OAS1: variants seen among roughly 807,000 people sequenced by gnomAD.
OAS1 encodes 2'-5'-oligoadenylate synthetase 1.
A neutral mutation model predicts 38.5 loss-of-function variants in OAS1; 24 were observed. The observed-to-expected ratio is 0.62, with a 90% CI of 0.45 to 0.88. The LOEUF is 0.88. Ranked by LOEUF, OAS1 falls within the 40% of genes least tolerant of loss-of-function variation. The probability of loss-of-function intolerance (pLI) is 0.00; values close to 1 mark genes in which losing one functional copy is unlikely to be tolerated. For missense variants in OAS1, 482 were observed against 493.9 expected (o/e 0.98, Z 0.23); for synonymous variants, 169 against 193.9 (o/e 0.87, Z 1.07).
At chr12:112,918,815 C>G (rs1365705736) in intron 5 of OAS1, 15 of 309,492 alleles carry the variant, frequency 4.8e-5, no homozygotes, top group Non-Finnish European at 8.6e-5. Flanking sequence ...GGCAAAGGAC[C>G]CAGTCTTGGA....
At chr12:112,933,141 C>G (rs1031834900), downstream of OAS1, 1 of 152,224 alleles carries the variant, frequency 6.6e-6, no homozygotes, top group South Asian at 2.1e-4. Flanking sequence ...AACTGATCCC[C>G]CCTTGAACCT....
Position 112,919,854 on chromosome 12 carries a change from G to A in OAS1, c.*301G>A. The stretch of plus-strand genomic sequence containing the variant: ...ACTTTCTTCTGTGCACCTGATGGGA[G>A]GGTAATGTCTAATGTATTATCAATA... On this transcript the variant is annotated 3_prime_UTR_variant, in exon 6 of 6. Coordinates refer to ENST00000202917, the MANE Select transcript of OAS1 (RefSeq NM_016816.4). 1.1e-6 allele frequency: 1 copy of A among 892,996 alleles called. No individual in the cohort carries two copies. The highest frequency in any genetic ancestry group is 1.6e-6 in the Non-Finnish European group (1 of 606,876). 55.3% of individuals were successfully genotyped at this position (892,996 alleles called of 1,614,324 possible).
chr12:112,909,779 T>A (rs1325155517), intron 2 of OAS1, among the ~76,000 whole-genome samples: 4 of 152,212 alleles, frequency 2.6e-5, no homozygotes, highest in Non-Finnish European at 5.9e-5. Flanking sequence ...AGATTTTAAT[T>A]TTTTGAGGGA....
chr12:112,929,890 G>A (rs750945785), intron 6 of OAS1, among the ~76,000 whole-genome samples: 9 of 152,176 alleles, frequency 5.9e-5, no homozygotes, highest in African/African-American at 1.7e-4. Flanking sequence ...AGACAGGTAT[G>A]TCAGACTCTC....
In OAS1 at chr12:112,916,394, G is replaced by A. The variant is rs557413056; in HGVS notation, c.655-115G>A. The A allele has an allele frequency of 1.9e-5, 14 of 734,662 alleles. 1 individual carries two copies. In the South Asian group the frequency reaches 2.0e-4, roughly 10 times the overall value. 45.5% of individuals were successfully genotyped at this position (734,662 alleles called of 1,614,324 possible). A position where few individuals can be genotyped will look rare whatever the true frequency, so the allele number is the denominator to read the frequency against. ...TACATAAATGAATGAGCCTGGATTC[G>A]TTCCAAGGAAACTTTATAAAAACAG... On this transcript the variant is annotated intron_variant, in intron 3 of 5. Transcript: ENST00000202917.
intron 3 of OAS1, among the ~76,000 whole-genome samples, chr12:112,916,268 AT>A (rs905597307): frequency 6.6e-6 from 1 of 152,200 alleles, no homozygotes; most frequent in African/African-American, 2.4e-5. Flanking sequence ...TTTTTAAAAA[AT>A]AAAAGGCTAG....
chr12:112,916,437 G>A lies in OAS1; in HGVS notation c.655-72G>A, dbSNP rs953482134. 5.4e-6 allele frequency: 6 copies of A among 1,120,068 alleles called. No individual in the cohort carries two copies. The African/African-American group carries it at 7.8e-5, about 14-fold the overall frequency. The allele number at this position is 1,120,068 out of a possible 1,614,324, so 69.4% of individuals were successfully genotyped here. ...AAAAACAGGTGGCAGGCTGGATTTGGCCCATGAGAAGTGTAGTTTACACAA... is the reference window on the plus strand; with the variant it reads ...AAAAACAGGTGGCAGGCTGGATTTGACCCATGAGAAGTGTAGTTTACACAA... On this transcript the variant is annotated intron_variant, in intron 3 of 5. Coordinates refer to ENST00000202917, the MANE Select transcript of OAS1 (RefSeq NM_016816.4).
intron 3 of OAS1, 49 bp downstream of exon 3, chr12:112,911,284 G>A (rs746497950): frequency 6.9e-7 from 1 of 1,450,362 alleles, no homozygotes; most frequent in South Asian, 1.4e-5. Flanking sequence ...ACTGGGAGCA[G>A]AGGAGGGGTG....
At chr12:112,922,413 T>A (rs1436662837), downstream of OAS1, among the ~76,000 whole-genome samples, 1 of 152,190 alleles carries the variant, frequency 6.6e-6, no homozygotes. Flanking sequence ...ACTCATCCAC[T>A]AAGTCACTAA....
chr12:112,918,755 G>T (rs976934790), intron 5 of OAS1: 1 of 407,024 alleles, frequency 2.5e-6, no homozygotes, highest in African/African-American at 2.0e-5. Context: ...TCTGACCAAT[G>T]GGAGACTCTG....
intron 2 of OAS1, among the ~76,000 whole-genome samples, chr12:112,910,587 C>T (rs1215547545): frequency 6.6e-6 from 1 of 151,866 alleles, no homozygotes; most frequent in East Asian, 1.9e-4. Flanking sequence ...CCTGAAGCAG[C>T]AATGACCATG....
intron 2 of OAS1, among the ~76,000 whole-genome samples, chr12:112,909,522 G>A (rs2043346852): frequency 1.3e-5 from 2 of 152,158 alleles, no homozygotes; most frequent in African/African-American, 4.8e-5. Flanking sequence ...TTAGCCAAGT[G>A]TGGTGGTACA....
intron 4 of OAS1, among the ~76,000 whole-genome samples, chr12:112,917,175 C>T (rs141410418): frequency 2.0e-4 from 31 of 152,290 alleles, no homozygotes; most frequent in African/African-American, 7.0e-4. Context: ...CTGTGCTGAG[C>T]ATTTCATATA....
intron 1 of OAS1, 92 bp downstream of exon 1, chr12:112,907,311 A>C: frequency 7.5e-7 from 1 of 1,339,386 alleles, no homozygotes; most frequent in Non-Finnish European, 1.0e-6. Context: ...AGAAGCAAAA[A>C]CCTAGAACCC....
At chr12:112,913,230 C>T (rs1050109679) in intron 3 of OAS1, among the ~76,000 whole-genome samples, 1 of 152,182 alleles carries the variant, frequency 6.6e-6, no homozygotes, top group Admixed American at 6.5e-5. Context: ...AGTCTAACTG[C>T]AGCTCTTTTA....
intron 2 of OAS1, 126 bp from the exon 3 acceptor site, chr12:112,910,925 C>T: frequency 1.2e-6 from 1 of 841,946 alleles, no homozygotes; most frequent in Non-Finnish European, 1.8e-6. Context: ...GACCTCAAGA[C>T]TTCCCAGCCC....
chr12:112,917,807 G>A, intron 5 of OAS1, 107 bp downstream of exon 5: 1 of 1,612,040 alleles, frequency 6.2e-7, no homozygotes, highest in Non-Finnish European at 8.5e-7. Context: ...TCTTGCCAAA[G>A]GCCATTTATA....
At chr12:112,911,503 A>C (rs2043383033) in intron 3 of OAS1, among the ~76,000 whole-genome samples, 2 of 152,200 alleles carry the variant, frequency 1.3e-5, no homozygotes, top group African/African-American at 4.8e-5. Flanking sequence ...AGCCTGGTGC[A>C]TAATAGGTGT....
chr12:112,907,251 G>A (rs2043309929), intron 1 of OAS1, 32 bp downstream of exon 1: 1 of 1,603,682 alleles, frequency 6.2e-7, no homozygotes, highest in Non-Finnish European at 8.5e-7. Flanking sequence ...CAGGGGAGGG[G>A]TGGCTGAATG....
Sources: gnomAD v4.1 joint callset for allele counts (sites outside exome capture counted in the v4.1 genomes callset) on GRCh38, gnomAD v4.1.1 for gene constraint, MANE v1.5 for transcripts, NCBI Gene and HGNC (gene_info 2026-07-23, HGNC 2026-07-21) for gene names.